The following PTPRD variants were observed in gnomAD, a reference collection of about 807,000 sequenced individuals.
PTPRD encodes the protein receptor-type tyrosine-protein phosphatase delta.
Under a neutral mutation model 214.5 loss-of-function variants are expected in PTPRD, and 34 were observed. That is an observed-to-expected ratio of 0.16 (90% CI 0.12 to 0.21). The LOEUF is 0.21. Ranked by LOEUF, PTPRD falls within the 10% of genes least tolerant of loss-of-function variation. PTPRD has a pLI of 1.00. For missense variants in PTPRD, 2,545 were observed against 2,398.7 expected (o/e 1.06, Z -1.27); for synonymous variants, 1,128 against 845.7 (o/e 1.33, Z -5.79).
At chr9:8,437,310 C>T (rs1188142727) in intron 34 of PTPRD, 1 of 1,218,488 alleles carries the variant, frequency 8.2e-7, no homozygotes, top group Non-Finnish European at 1.1e-6. Flanking sequence ...AAATGGAAAG[C>T]CTGATATATT....
At chr9:10,314,262 AG>A (rs2096358457) in intron 3 of PTPRD, among the ~76,000 whole-genome samples, 1 of 151,880 alleles carries the variant, frequency 6.6e-6, no homozygotes, top group Admixed American at 6.6e-5. Flanking sequence ...ATAGGACAGG[AG>A]AAAAAGCCTC....
chr9:10,430,032 T>A (rs777192697), intron 2 of PTPRD, among the ~76,000 whole-genome samples: 13 of 151,996 alleles, frequency 8.6e-5, no homozygotes, highest in Non-Finnish European at 1.6e-4. Context: ...GTACTCTTTA[T>A]AAACTTTCTA....
At chr9:10,001,679 TAATAA>T (rs1309463284) in intron 4 of PTPRD, among the ~76,000 whole-genome samples, 4 of 152,022 alleles carry the variant, frequency 2.6e-5, no homozygotes, top group South Asian at 2.1e-4. Flanking sequence ...ATAGGAGAAA[TAATAA>T]AATAAATGGT....
chr9:9,257,555 G>C (rs893955885), intron 9 of PTPRD, among the ~76,000 whole-genome samples: 5 of 151,984 alleles, frequency 3.3e-5, no homozygotes, highest in Non-Finnish European at 7.4e-5. Context: ...ACTTTGGAAA[G>C]CCAAAGCAGG....
chr9:9,352,353 GTATATA>G (rs1167624797), intron 9 of PTPRD, among the ~76,000 whole-genome samples: 2 of 130,018 alleles, frequency 1.5e-5, no homozygotes, highest in Non-Finnish European at 3.6e-5. Flanking sequence ...GTGTGTGTGT[GTATATA>G]TGTGTGTGTG....
rs1474890098 is a variant in PTPRD at position 9,935,799 on chromosome 9, G to A, written c.-368+2708C>T. Among the ~76,000 whole-genome samples the A allele has an allele frequency of 2.0e-5, 3 of 149,296 alleles. No individual in the cohort carries two copies. The East Asian group carries it at 5.8e-4, about 29-fold the overall frequency. On this transcript the variant is annotated intron_variant, in intron 5 of 45. Coordinates refer to ENST00000381196, the MANE Select transcript of PTPRD (RefSeq NM_002839.4). ...ATCCTAAGCCAAAAGAACAAAGCTG[G>A]AGGCATCACACTACCTGACTTCAAA...
chr9:9,617,313 C>T (rs2094933007), intron 7 of PTPRD, among the ~76,000 whole-genome samples: 1 of 151,988 alleles, frequency 6.6e-6, no homozygotes, highest in South Asian at 2.1e-4. Flanking sequence ...TAATTAAAAG[C>T]ATGTTATTGG....
chr9:8,927,895 C>T (rs575086205), intron 11 of PTPRD, among the ~76,000 whole-genome samples: 18 of 152,278 alleles, frequency 1.2e-4, no homozygotes, highest in South Asian at 1.0e-3. Context: ...TTAATGATTG[C>T]CATTCTAACT....
chr9:9,811,159 G>C (rs1379531928), intron 5 of PTPRD, among the ~76,000 whole-genome samples: 1 of 151,982 alleles, frequency 6.6e-6, no homozygotes, highest in African/African-American at 2.4e-5. Context: ...AGCCGAGATT[G>C]TGACATAGTA....
rs140641165 is a variant in PTPRD at position 9,650,170 on chromosome 9, G to A, written c.-286-75389C>T. Among the ~76,000 whole-genome samples the A allele has an allele frequency of 7.4e-4, 112 of 152,128 alleles. 1 individual carries two copies. The highest frequency in any genetic ancestry group is 6.8e-3 in the Middle Eastern group (2 of 294). ...TAAAAGGGTTTAAAAGTGTGCAGTG[G>A]TTTTCCCCCAACCACTCTCCTGTCA... On this transcript the variant is annotated intron_variant, in intron 7 of 45. Transcript: ENST00000381196.
chr9:10,596,124 G>A (rs1203747700), intron 2 of PTPRD, among the ~76,000 whole-genome samples: 2 of 151,682 alleles, frequency 1.3e-5, no homozygotes, highest in African/African-American at 2.4e-5. Flanking sequence ...TAGATAATAG[G>A]ATGTCTGTTT....
At chr9:8,745,316 C>A (rs779617529) in intron 11 of PTPRD, among the ~76,000 whole-genome samples, 17 of 152,104 alleles carry the variant, frequency 1.1e-4, no homozygotes, top group Non-Finnish European at 2.5e-4. Flanking sequence ...TGACTTACTG[C>A]AACAGAAATA....
At chr9:10,026,166 T>C (rs1295704836) in intron 4 of PTPRD, among the ~76,000 whole-genome samples, 3 of 152,158 alleles carry the variant, frequency 2.0e-5, no homozygotes, top group African/African-American at 7.2e-5. Flanking sequence ...TAACTAAAAA[T>C]TTGAGTGCTC....
intron 12 of PTPRD, among the ~76,000 whole-genome samples, chr9:8,717,823 C>T (rs1401186362): frequency 6.6e-6 from 1 of 152,218 alleles, no homozygotes; most frequent in Non-Finnish European, 1.5e-5. Flanking sequence ...ATGCCCTCCA[C>T]AATTTCTCTG....
At chr9:10,461,240 G>A (rs1484955462) in intron 2 of PTPRD, among the ~76,000 whole-genome samples, 1 of 116,524 alleles carries the variant, frequency 8.6e-6, no homozygotes, top group Non-Finnish European at 1.8e-5. Context: ...AGAGATAACA[G>A]GTGTTGGTAA....
At chr9:8,687,193 A>G (rs560695381) in intron 12 of PTPRD, among the ~76,000 whole-genome samples, 1 of 152,154 alleles carries the variant, frequency 6.6e-6, no homozygotes, top group South Asian at 2.1e-4. Flanking sequence ...GGTTTAAGAG[A>G]ATCTCTGGAA....
chr9:8,961,151 G>C (rs938920954), intron 11 of PTPRD, among the ~76,000 whole-genome samples: 4 of 152,026 alleles, frequency 2.6e-5, no homozygotes, highest in African/African-American at 9.7e-5. Flanking sequence ...TTGCCTAGGG[G>C]GACAGGGGAA....
intron 3 of PTPRD, among the ~76,000 whole-genome samples, chr9:10,331,408 C>T (rs149343156): frequency 1.9e-4 from 29 of 151,986 alleles, no homozygotes; most frequent in African/African-American, 5.8e-4. Context: ...AGCCTTCCAT[C>T]TGAAAGCCCA....
At chr9:8,352,834 C>T (rs944390020) in intron 39 of PTPRD, among the ~76,000 whole-genome samples, 2 of 152,084 alleles carry the variant, frequency 1.3e-5, no homozygotes, top group African/African-American at 4.8e-5. Context: ...TATTATTGCC[C>T]AGGCATGGTG....
Sources: gnomAD v4.1 joint callset for allele counts (sites outside exome capture counted in the v4.1 genomes callset) on GRCh38, gnomAD v4.1.1 for gene constraint, MANE v1.5 for transcripts, NCBI Gene and HGNC (gene_info 2026-07-23, HGNC 2026-07-21) for gene names.